The following GRIP1 variants were observed in gnomAD, a reference collection of about 807,000 sequenced individuals.
GRIP1 encodes glutamate receptor-interacting protein 1.
Under a neutral mutation model 129.9 loss-of-function variants are expected in GRIP1, and 45 were observed. The observed-to-expected ratio is 0.35, with a 90% CI of 0.27 to 0.44. The LOEUF is 0.44. GRIP1 is among the 20% of genes least tolerant of loss of function. The pLI is 1.00. For synonymous variants in GRIP1, 530 were observed against 520.8 expected, an observed-to-expected ratio of 1.02 and a Z score of -0.24; for missense variants, 1,196 against 1,396.8, an observed-to-expected ratio of 0.86 and a Z score of 2.29.
At chr12:66,573,196 G>C (rs1267520898) in intron 2 of GRIP1, among the ~76,000 whole-genome samples, 13 of 152,088 alleles carry the variant, frequency 8.5e-5, no homozygotes, top group South Asian at 6.2e-4. Context: ...GGCAGCCTCT[G>C]GGGCTGACAG....
intron 1 of GRIP1, among the ~76,000 whole-genome samples, chr12:66,803,484 G>C (rs943975548): frequency 6.6e-6 from 1 of 152,080 alleles, no homozygotes; most frequent in Non-Finnish European, 1.5e-5. Flanking sequence ...ACATATTACG[G>C]ATACTACAGG....
rs1390813831 is a variant in GRIP1, at chr12:66,347,756, GA to G, written c.*1262del. 9.0e-6 allele frequency: 1 copy of G among 110,986 alleles called. No individual in the cohort carries two copies. The highest frequency in any genetic ancestry group is 3.4e-5 in the African/African-American group (1 of 29,078). 6.9% of individuals were successfully genotyped at this position (110,986 alleles called of 1,614,324 possible). On this transcript the variant is annotated 3_prime_UTR_variant, in exon 25 of 25. Coordinates refer to ENST00000359742, the MANE Select transcript of GRIP1 (RefSeq NM_001366722.1). ...ATTTTTTTTGCACAAAAAGAAAGGT[GA>G]TTTTTTTTTTATATTTCCTTAAACA...
intron 1 of GRIP1, among the ~76,000 whole-genome samples, chr12:66,979,977 T>C (rs1035896549): frequency 6.6e-6 from 1 of 152,142 alleles, no homozygotes; most frequent in Non-Finnish European, 1.5e-5. Flanking sequence ...TCTGTTGTTC[T>C]AGGCCACCCA....
chr12:66,683,683 G>A (rs2034671909), upstream of GRIP1, among the ~76,000 whole-genome samples: 1 of 152,138 alleles, frequency 6.6e-6, no homozygotes, highest in Non-Finnish European at 1.5e-5. Flanking sequence ...ATCTAGGCAG[G>A]GCTCTGATGC....
chr12:66,942,897 C>T (rs1381651783), intron 1 of GRIP1, among the ~76,000 whole-genome samples: 5 of 152,234 alleles, frequency 3.3e-5, no homozygotes, highest in Non-Finnish European at 7.4e-5. Flanking sequence ...CGGTCTCTAC[C>T]GTGTGAGGAT....
Position 66,473,629 on chromosome 12 carries a change from G to C in GRIP1, c.725-8207C>G, listed in dbSNP as rs558031766. The stretch of plus-strand genomic sequence containing the variant: ...CCCCTCTGGGACGAAGCTTCCAAAG[G>C]AAGGAACAGGCAGCAATCTTTGCTG... On this transcript the variant is annotated intron_variant, in intron 7 of 24. Transcript: ENST00000359742. Among the ~76,000 whole-genome samples, 3 of 152,326 alleles carry C rather than the reference G, an allele frequency of 2.0e-5. No homozygotes were observed. The South Asian group carries it at 6.2e-4, about 32-fold the overall frequency.
At chr12:66,629,485 A>G (rs1243216208) in intron 1 of GRIP1, among the ~76,000 whole-genome samples, 1 of 152,202 alleles carries the variant, frequency 6.6e-6, no homozygotes, top group Admixed American at 6.5e-5. Flanking sequence ...GTCTTCGATG[A>G]CTGGTAGTTC....
intron 23 of GRIP1, among the ~76,000 whole-genome samples, chr12:66,355,134 A>T (rs1348758255): frequency 6.6e-6 from 1 of 152,016 alleles, no homozygotes; most frequent in Non-Finnish European, 1.5e-5. Context: ...GCAGTCTCAG[A>T]CCCACCCCAG....
chr12:66,691,613 G>A (rs561792132), intron 1 of GRIP1, among the ~76,000 whole-genome samples: 24 of 152,258 alleles, frequency 1.6e-4, no homozygotes, highest in Non-Finnish European at 3.2e-4. Flanking sequence ...TCATTCTTCC[G>A]AAAGTTTGGT....
chr12:67,048,474 TTTTA>T (rs2043290018), intron 1 of GRIP1, among the ~76,000 whole-genome samples: 1 of 152,176 alleles, frequency 6.6e-6, no homozygotes, highest in Non-Finnish European at 1.5e-5. Context: ...ACATTTTTTT[TTTTA>T]AAGATGAAGT....
intron 1 of GRIP1, among the ~76,000 whole-genome samples, chr12:66,861,241 G>A (rs1278119125): frequency 1.3e-5 from 2 of 152,076 alleles, no homozygotes; most frequent in Non-Finnish European, 2.9e-5. Context: ...CATACCCTAC[G>A]CTGTAATGTT....
chr12:67,008,719 T>C (rs2042662832), intron 1 of GRIP1, among the ~76,000 whole-genome samples: 1 of 152,178 alleles, frequency 6.6e-6, no homozygotes, highest in Non-Finnish European at 1.5e-5. Flanking sequence ...CAGGAAGTGC[T>C]AGCACAGTGT....
chr12:66,987,776 G>C (rs1002022734), intron 1 of GRIP1, among the ~76,000 whole-genome samples: 1 of 152,192 alleles, frequency 6.6e-6, no homozygotes, highest in Non-Finnish European at 1.5e-5. Context: ...CCTGAGCCCA[G>C]TGAAAATTAG....
intron 1 of GRIP1, among the ~76,000 whole-genome samples, chr12:66,657,447 T>G (rs1393609706): frequency 6.6e-6 from 1 of 152,194 alleles, no homozygotes; most frequent in East Asian, 1.9e-4. Context: ...TGGCTTTATG[T>G]CTCAAGTAGG....
chr12:66,680,995 C>G (rs2136280640), upstream of GRIP1, among the ~76,000 whole-genome samples: 1 of 152,192 alleles, frequency 6.6e-6, no homozygotes, highest in Middle Eastern at 3.4e-3. Flanking sequence ...AAGCTCTATC[C>G]TCTGGTCCCA....
chr12:66,890,729 C>T (rs1252271), intron 1 of GRIP1, among the ~76,000 whole-genome samples: 137,660 of 152,238 alleles, frequency 0.9, 63,904 homozygotes, highest in East Asian at 1. Context: ...ATTATACATA[C>T]TGATGGGTTA....
chr12:66,726,983 T>C (rs1187260809), intron 1 of GRIP1, among the ~76,000 whole-genome samples: 1 of 152,236 alleles, frequency 6.6e-6, no homozygotes, highest in East Asian at 1.9e-4. Flanking sequence ...CCAAATCATT[T>C]ATATTGTAGT....
At chr12:66,497,506 A>G (rs961823308) in intron 7 of GRIP1, among the ~76,000 whole-genome samples, 1 of 152,192 alleles carries the variant, frequency 6.6e-6, no homozygotes, top group Non-Finnish European at 1.5e-5. Context: ...TGGGAATCAA[A>G]GGGAAGAGAG....
chr12:66,956,166 C>T (rs964015327), intron 1 of GRIP1, among the ~76,000 whole-genome samples: 1 of 152,156 alleles, frequency 6.6e-6, no homozygotes, highest in Non-Finnish European at 1.5e-5. Context: ...ATGTCCTTTT[C>T]CACTCCTGGA....
Sources: gnomAD v4.1 joint callset for allele counts (sites outside exome capture counted in the v4.1 genomes callset) on GRCh38, gnomAD v4.1.1 for gene constraint, MANE v1.5 for transcripts, NCBI Gene and HGNC (gene_info 2026-07-23, HGNC 2026-07-21) for gene names.